The following TBC1D22A variants were observed in gnomAD, a reference collection of about 807,000 sequenced individuals.
TBC1D22A encodes the protein putative GTPase activator.
In TBC1D22A, 38 loss-of-function variants were observed where a neutral mutation model predicts 60.2. The ratio of observed to expected loss-of-function variants is 0.63; its 90% confidence interval spans 0.49 to 0.83. The LOEUF is 0.83. TBC1D22A is among the 40% of genes least tolerant of loss of function. The probability of loss-of-function intolerance (pLI) is 0.00; values close to 1 mark genes in which losing one functional copy is unlikely to be tolerated. For missense variants in TBC1D22A, 628 were observed against 701.0 expected (o/e 0.90, Z 1.18); for synonymous variants, 302 against 281.7 (o/e 1.07, Z -0.72).
intron 11 of TBC1D22A, among the ~76,000 whole-genome samples, chr22:47,085,419 T>C (rs764566032): frequency 2.6e-5 from 4 of 152,222 alleles, no homozygotes; most frequent in Non-Finnish European, 4.4e-5. Flanking sequence ...ATGGATTAGA[T>C]AAATATTTTA....
intron 4 of TBC1D22A, among the ~76,000 whole-genome samples, chr22:46,859,070 G>C (rs13057018): frequency 0.21 from 16,037 of 77,204 alleles, 132 homozygotes; most frequent in African/African-American, 0.32. Flanking sequence ...AATCCTTTTC[G>C]ATAGAGGTCC....
intron 7 of TBC1D22A, among the ~76,000 whole-genome samples, chr22:46,904,782 T>C (rs905520948): frequency 7.0e-5 from 10 of 143,110 alleles, no homozygotes; most frequent in Non-Finnish European, 1.5e-4. Context: ...AAATTTTTTT[T>C]TTTTTTTTCT....
chr22:46,903,037 G>GC (rs1414809285), intron 7 of TBC1D22A, among the ~76,000 whole-genome samples: 1 of 152,206 alleles, frequency 6.6e-6, no homozygotes, highest in Non-Finnish European at 1.5e-5. Flanking sequence ...TGCTGGGGCC[G>GC]CCTCACGTCT....
At chr22:47,079,571 A>G (rs1247646686) in intron 11 of TBC1D22A, among the ~76,000 whole-genome samples, 2 of 152,224 alleles carry the variant, frequency 1.3e-5, no homozygotes, top group East Asian at 3.8e-4. Context: ...GTAACTGAAG[A>G]TAAATTCAGA....
chr22:46,884,766 G>A (rs906922378), intron 5 of TBC1D22A, among the ~76,000 whole-genome samples: 4 of 152,224 alleles, frequency 2.6e-5, no homozygotes, highest in African/African-American at 9.6e-5. Flanking sequence ...GCTGACCCCT[G>A]ATCTAGATGA....
At chr22:46,909,879 C>A (rs928295146) in intron 7 of TBC1D22A, among the ~76,000 whole-genome samples, 1 of 152,190 alleles carries the variant, frequency 6.6e-6, no homozygotes, top group Non-Finnish European at 1.5e-5. Context: ...GCTGGGGCTG[C>A]GCGTTGGTGA....
At chr22:46,851,922 C>G (rs1439686445) in intron 4 of TBC1D22A, among the ~76,000 whole-genome samples, 2 of 152,208 alleles carry the variant, frequency 1.3e-5, no homozygotes, top group Non-Finnish European at 2.9e-5. Context: ...GGGTCATGAG[C>G]TGGTGGCAGC....
chr22:46,913,203 T>C, intron 8 of TBC1D22A: 1 of 515,344 alleles, frequency 1.9e-6, no homozygotes, highest in East Asian at 7.2e-5. Context: ...AATGCGTCTA[T>C]GGATAAAACA....
chr22:46,852,099 A>T (rs2087308601), intron 4 of TBC1D22A, among the ~76,000 whole-genome samples: 1 of 152,198 alleles, frequency 6.6e-6, no homozygotes. Flanking sequence ...GGTTTCTGGG[A>T]GTCAGCCGTC....
chr22:46,792,616 A>G, intron 2 of TBC1D22A, 40 bp downstream of exon 2: 1 of 1,614,120 alleles, frequency 6.2e-7, no homozygotes, highest in Non-Finnish European at 8.5e-7. Context: ...CTCGGCTCTG[A>G]TATGGGAGGG....
At chr22:46,872,508 C>T (rs1378536620) in intron 4 of TBC1D22A, among the ~76,000 whole-genome samples, 1 of 151,628 alleles carries the variant, frequency 6.6e-6, no homozygotes, top group African/African-American at 2.4e-5. Flanking sequence ...AAAACTGGAC[C>T]AGATATGTGA....
intron 4 of TBC1D22A, among the ~76,000 whole-genome samples, chr22:46,864,925 A>G (rs1371118269): frequency 6.6e-6 from 1 of 152,134 alleles, no homozygotes; most frequent in African/African-American, 2.4e-5. Flanking sequence ...GCTGGCTCCC[A>G]TTTGGGCTCT....
chr22:47,002,368 C>T (rs552262039), intron 10 of TBC1D22A, among the ~76,000 whole-genome samples: 1 of 152,340 alleles, frequency 6.6e-6, no homozygotes, highest in East Asian at 1.9e-4. Context: ...GGCTTCAGCC[C>T]TAGCCTTTCC....
At chr22:47,111,393 CT>C in intron 11 of TBC1D22A, 114 bp from the exon 12 acceptor site, 2 of 866,812 alleles carry the variant, frequency 2.3e-6, no homozygotes, top group Middle Eastern at 4.5e-4. Context: ...TCAACACAAG[CT>C]TTGGTTTCCT....
At chr22:46,854,370 C>G (rs1326420254) in intron 4 of TBC1D22A, among the ~76,000 whole-genome samples, 1 of 152,066 alleles carries the variant, frequency 6.6e-6, no homozygotes, top group Non-Finnish European at 1.5e-5. Context: ...GACATCCCTT[C>G]TCTCCCTCCC....
Position 47,133,878 on chromosome 22 carries a change from C to T in TBC1D22A, c.1425+22275C>T, listed in dbSNP as rs554187796. On this transcript the variant is annotated intron_variant, in intron 12 of 12. Coordinates refer to ENST00000337137, the MANE Select transcript of TBC1D22A (RefSeq NM_014346.5). ...TCCTCGCGAGCTCCAAACATCCTTCCGTGGGCTGTCTCTCTCTCTCTCTCT... is the reference window on the plus strand; with the variant it reads ...TCCTCGCGAGCTCCAAACATCCTTCTGTGGGCTGTCTCTCTCTCTCTCTCT... 5.3e-5 allele frequency among the ~76,000 whole-genome samples: 8 copies of T among 152,324 alleles called. No homozygotes were observed. The South Asian group carries it at 6.2e-4, about 12-fold the overall frequency.
chr22:47,066,284 G>A (rs1389343472), intron 11 of TBC1D22A, among the ~76,000 whole-genome samples: 2 of 152,238 alleles, frequency 1.3e-5, no homozygotes, highest in Non-Finnish European at 2.9e-5. Context: ...GCAGGAGGAT[G>A]TGGTGCTGCC....
intron 12 of TBC1D22A, among the ~76,000 whole-genome samples, chr22:47,155,737 C>G (rs116748055): frequency 6.2e-4 from 95 of 152,034 alleles, no homozygotes; most frequent in African/African-American, 2.2e-3. Context: ...GATGGGCTGG[C>G]GCCAGCGCAG....
chr22:46,936,950 C>G (rs2071691753), intron 8 of TBC1D22A, among the ~76,000 whole-genome samples: 1 of 152,140 alleles, frequency 6.6e-6, no homozygotes, highest in African/African-American at 2.4e-5. Flanking sequence ...TACAGCTGTT[C>G]TTGAGATTAA....
Sources: gnomAD v4.1 joint callset for allele counts (sites outside exome capture counted in the v4.1 genomes callset) on GRCh38, gnomAD v4.1.1 for gene constraint, MANE v1.5 for transcripts, NCBI Gene and HGNC (gene_info 2026-07-23, HGNC 2026-07-21) for gene names.